Variants in TMEM65 observed in about 807,000 individuals in gnomAD.
The protein encoded by TMEM65 is transmembrane protein 65.
Under a neutral mutation model 25.4 loss-of-function variants are expected in TMEM65, and 22 were observed. The ratio of observed to expected loss-of-function variants is 0.86; its 90% CI spans 0.62 to 1.23. The LOEUF (loss-of-function observed/expected upper bound fraction) is 1.23. Ranked by LOEUF, TMEM65 falls within the 50% of genes most tolerant of loss-of-function variation. The probability of loss-of-function intolerance (pLI) is 0.00; values close to 1 mark genes in which losing one functional copy is unlikely to be tolerated. For missense variants in TMEM65, 262 were observed against 308.2 expected, an observed-to-expected ratio of 0.85 and a Z score of 1.12; for synonymous variants, 132 against 126.2, an observed-to-expected ratio of 1.05 and a Z score of -0.31.
chr8:124,346,076 G>A (rs996025996), intron 1 of TMEM65, among the ~76,000 whole-genome samples: 4 of 152,142 alleles, frequency 2.6e-5, no homozygotes, highest in African/African-American at 4.8e-5. Flanking sequence ...TTGCAGTTCC[G>A]CATAGCTGGG....
rs1168859338 is a variant in TMEM65 at position 124,312,637 on chromosome 8, T to C, written c.*1323A>G. ...TTAGCATGTGTAACAGACCACATGCTAAAAAAGTTTAAGGGTTCAGAAAAC... is the reference window on the plus strand; with the variant it reads ...TTAGCATGTGTAACAGACCACATGCCAAAAAAGTTTAAGGGTTCAGAAAAC... On this transcript the variant is annotated 3_prime_UTR_variant, in exon 7 of 7. Coordinates refer to ENST00000297632, the MANE Select transcript of TMEM65 (RefSeq NM_194291.3). The C allele has an allele frequency of 1.3e-5, 2 of 151,904 alleles. No individual in the cohort carries two copies. Among genetic ancestry groups the C allele is most frequent in the East Asian group, 3.9e-4 (2 of 5,194 alleles). The allele number at this position is 151,904 out of a possible 1,614,324, so 9.4% of individuals were successfully genotyped here.
chr8:124,355,138 C>A (rs1412862288), intron 1 of TMEM65, among the ~76,000 whole-genome samples: 1 of 152,046 alleles, frequency 6.6e-6, no homozygotes, highest in African/African-American at 2.4e-5. Flanking sequence ...AAAAAGAACA[C>A]ATCTCTTACA....
In TMEM65 at chr8:124,310,243, T is replaced by A. The variant is rs1391116273; in HGVS notation, c.*3717A>T. 1 of 152,264 alleles carries A rather than the reference T, an allele frequency of 6.6e-6. No homozygotes were observed. The highest frequency in any genetic ancestry group is 2.4e-5 in the African/African-American group (1 of 41,466). The allele number at this position is 152,264 out of a possible 1,614,324, so 9.4% of individuals were successfully genotyped here. On this transcript the variant is annotated 3_prime_UTR_variant, in exon 7 of 7. Transcript: ENST00000297632. ...AAGCTTCATGAGGGTACAGATGTTC[T>A]GGTTGTTCACTCAGTGCCTTGAACA...
intron 1 of TMEM65, among the ~76,000 whole-genome samples, chr8:124,366,324 C>T (rs1563601248): frequency 6.6e-6 from 1 of 152,242 alleles, no homozygotes; most frequent in Non-Finnish European, 1.5e-5. Flanking sequence ...ACCATGCTAA[C>T]ATTGTCATGC....
At chr8:124,367,300 C>A (rs544077906) in intron 1 of TMEM65, among the ~76,000 whole-genome samples, 1 of 152,024 alleles carries the variant, frequency 6.6e-6, no homozygotes, top group East Asian at 1.9e-4. Context: ...ATGGTGAAAC[C>A]CCACCTCTAC....
intron 1 of TMEM65, among the ~76,000 whole-genome samples, chr8:124,359,007 T>C (rs1331951464): frequency 6.6e-6 from 1 of 152,202 alleles, no homozygotes; most frequent in Non-Finnish European, 1.5e-5. Flanking sequence ...TTGGATCTAA[T>C]CATTAACTGG....
chr8:124,328,652 T>G (rs1814396017), intron 2 of TMEM65, among the ~76,000 whole-genome samples: 1 of 152,104 alleles, frequency 6.6e-6, no homozygotes, highest in Non-Finnish European at 1.5e-5. Context: ...TTCTAATTAA[T>G]CTATAAAATT....
At chr8:124,340,867 G>A (rs1448015574) in intron 1 of TMEM65, among the ~76,000 whole-genome samples, 1 of 152,064 alleles carries the variant, frequency 6.6e-6, no homozygotes, top group Admixed American at 6.6e-5. Context: ...TTCTTCTACA[G>A]TTTCTTATTA....
intron 1 of TMEM65, among the ~76,000 whole-genome samples, chr8:124,353,934 T>C (rs1327777760): frequency 6.6e-6 from 1 of 152,140 alleles, no homozygotes; most frequent in Admixed American, 6.5e-5. Context: ...TTAGAGTGCA[T>C]AAGTCAGATA....
At chr8:124,352,642 A>G (rs1814726457) in intron 1 of TMEM65, among the ~76,000 whole-genome samples, 1 of 152,182 alleles carries the variant, frequency 6.6e-6, no homozygotes, top group South Asian at 2.1e-4. Context: ...GCAGGATTTC[A>G]GTAAGTGAGG....
chr8:124,360,711 C>G (rs1018383632), intron 1 of TMEM65, among the ~76,000 whole-genome samples: 1 of 152,146 alleles, frequency 6.6e-6, no homozygotes, highest in African/African-American at 2.4e-5. Flanking sequence ...CTCGTTTCAT[C>G]TAAGAGCCAT....
chr8:124,335,885 T>C (rs1408953443), intron 1 of TMEM65, among the ~76,000 whole-genome samples: 1 of 151,938 alleles, frequency 6.6e-6, no homozygotes, highest in African/African-American at 2.4e-5. Flanking sequence ...TCCAACCATA[T>C]CAATAATTAC....
intron 1 of TMEM65, chr8:124,350,909 C>T: frequency 1.2e-6 from 1 of 806,912 alleles, no homozygotes; most frequent in Non-Finnish European, 1.5e-6. Flanking sequence ...GTTATTGTTC[C>T]ATCATACAGA....
chr8:124,319,024 G>A (rs34000402), intron 6 of TMEM65, among the ~76,000 whole-genome samples: 3 of 152,102 alleles, frequency 2.0e-5, no homozygotes, highest in Non-Finnish European at 2.9e-5. Context: ...CTGCTTGAAT[G>A]TAAGATCTAT....
chr8:124,346,876 T>C (rs141255213), intron 1 of TMEM65, among the ~76,000 whole-genome samples: 171 of 152,294 alleles, frequency 1.1e-3, no homozygotes, highest in African/African-American at 3.9e-3. Flanking sequence ...CTGAACATTA[T>C]GAATAACTGC....
intron 6 of TMEM65, among the ~76,000 whole-genome samples, chr8:124,316,073 C>A (rs1814233939): frequency 6.6e-6 from 1 of 152,134 alleles, no homozygotes; most frequent in Admixed American, 6.5e-5. Context: ...GAATACCAGT[C>A]AGTGATTTCT....
intron 1 of TMEM65, among the ~76,000 whole-genome samples, chr8:124,333,583 T>A (rs1451345740): frequency 2.0e-5 from 3 of 152,056 alleles, no homozygotes; most frequent in African/African-American, 7.2e-5. Flanking sequence ...TACTTCACCA[T>A]ACCACATTTG....
At chr8:124,355,261 C>A (rs1318390946) in intron 1 of TMEM65, among the ~76,000 whole-genome samples, 2 of 151,034 alleles carry the variant, frequency 1.3e-5, no homozygotes, top group Non-Finnish European at 2.9e-5. Context: ...AAAAAAAATT[C>A]TAGGACGTTT....
At chr8:124,357,582 C>T (rs1814800693) in intron 1 of TMEM65, among the ~76,000 whole-genome samples, 1 of 152,034 alleles carries the variant, frequency 6.6e-6, no homozygotes, top group Non-Finnish European at 1.5e-5. Context: ...AGTAAGAATA[C>T]CATATTTGCT....
Sources: gnomAD v4.1 joint callset for allele counts (sites outside exome capture counted in the v4.1 genomes callset) on GRCh38, gnomAD v4.1.1 for gene constraint, MANE v1.5 for transcripts, NCBI Gene and HGNC (gene_info 2026-07-23, HGNC 2026-07-21) for gene names.